The following FBXO22 variants were observed in gnomAD, a reference collection of about 807,000 sequenced individuals.
FBXO22 encodes F-box only protein 22.
Under a neutral mutation model 37.2 loss-of-function variants are expected in FBXO22, and 13 were observed. The observed-to-expected ratio is 0.35, with a 90% CI of 0.23 to 0.56. The LOEUF (loss-of-function observed/expected upper bound fraction) is 0.56, where lower values mean the gene tolerates loss of function less well. FBXO22 is among the 20% of genes least tolerant of loss of function. The pLI is 0.87. For synonymous variants in FBXO22, 189 were observed against 189.1 expected (o/e 1.00, Z 0.00); for missense variants, 446 against 509.9 (o/e 0.87, Z 1.21).
In FBXO22 at chr15:75,904,118, C is replaced by T. The variant is rs1430500573; in HGVS notation, c.140+15C>T. On this transcript the variant is annotated intron_variant, in intron 1 of 6. Transcript: ENST00000308275. The stretch of plus-strand genomic sequence containing the variant: ...CGGGTGGCCTGGTGAGGAGAGGAGG[C>T]GGAGGCGGGAAGCTTGCCTGGGGAC... 8.5e-6 allele frequency: 13 copies of T among 1,529,062 alleles called. No individual in the cohort carries two copies. The highest frequency in any genetic ancestry group is 2.0e-5 in the Admixed American group (1 of 49,494). 94.7% of individuals were successfully genotyped at this position (1,529,062 alleles called of 1,614,324 possible).
At chr15:75,912,887 C>T (rs1226572178) in intron 2 of FBXO22, among the ~76,000 whole-genome samples, 4 of 152,206 alleles carry the variant, frequency 2.6e-5, no homozygotes, top group Non-Finnish European at 2.9e-5. Context: ...TTCCTGCTTT[C>T]TCCTGTGTGC....
At chr15:75,913,337 C>A in intron 3 of FBXO22, 47 bp downstream of exon 3, 1 of 1,334,338 alleles carries the variant, frequency 7.5e-7, no homozygotes, top group Non-Finnish European at 1.1e-6. Context: ...TTATCATGTG[C>A]CTTCCGTTCG....
intron 4 of FBXO22, among the ~76,000 whole-genome samples, chr15:75,915,983 A>G (rs1415775774): frequency 6.7e-6 from 1 of 148,606 alleles, no homozygotes; most frequent in Admixed American, 6.7e-5. Flanking sequence ...AGGCAGGAGA[A>G]TTGCTGGAAA....
intron 6 of FBXO22, 32 bp from the exon 7 acceptor site, chr15:75,932,653 A>G: frequency 6.5e-7 from 1 of 1,539,192 alleles, no homozygotes; most frequent in Non-Finnish European, 8.7e-7. Context: ...TTAATGTTTC[A>G]TGAGATATTG....
chr15:75,905,654 CTGAG>C (rs1241817106), intron 2 of FBXO22: 1 of 152,230 alleles, frequency 6.6e-6, no homozygotes, highest in Non-Finnish European at 1.5e-5. Context: ...GCAATTTGCT[CTGAG>C]TAAGTCCTGT....
At chr15:75,923,071 GCTGTTTCCTGGGCAGTACT>G (rs1338893166) in intron 5 of FBXO22, among the ~76,000 whole-genome samples, 2 of 152,156 alleles carry the variant, frequency 1.3e-5, no homozygotes, top group Non-Finnish European at 2.9e-5. Context: ...AGGTGACATA[GCTGTTTCCTGGGCAGTACT>G]CTGTCCTCTG....
chr15:75,904,702 A>T (rs1047036149), intron 2 of FBXO22, 73 bp downstream of exon 2: 18 of 1,433,810 alleles, frequency 1.3e-5, no homozygotes, highest in Admixed American at 5.3e-5. Context: ...ATTTTTTTTT[A>T]AATCCCAGTT....
intron 5 of FBXO22, among the ~76,000 whole-genome samples, chr15:75,929,424 A>C (rs2029926000): frequency 6.6e-6 from 1 of 152,088 alleles, no homozygotes. Flanking sequence ...TGTTCACCAC[A>C]CTATAAGTGG....
rs892892437 is a variant in FBXO22 at position 75,938,807 on chromosome 15, G to A, written c.*5705G>A. On this transcript the variant is annotated 3_prime_UTR_variant, in exon 7 of 7. Coordinates refer to ENST00000308275, the MANE Select transcript of FBXO22 (RefSeq NM_147188.3). Reference sequence around the variant, plus strand: ...CATTTTTGAACCACAACAGGATGTAGTTAGAAATCAGTAACAAAAGGAAAA... The same window carrying A: ...CATTTTTGAACCACAACAGGATGTAATTAGAAATCAGTAACAAAAGGAAAA... 1 of 152,158 alleles carries A rather than the reference G, an allele frequency of 6.6e-6. No individual in the cohort carries two copies. Among genetic ancestry groups the A allele is most frequent in the Non-Finnish European group, 1.5e-5 (1 of 68,010 alleles). The allele number at this position is 152,158 out of a possible 1,614,324, so 9.4% of individuals were successfully genotyped here. A position where few individuals can be genotyped will look rare whatever the true frequency, so the allele number is the denominator to read the frequency against.
intron 2 of FBXO22, among the ~76,000 whole-genome samples, chr15:75,910,879 G>A (rs1327868306): frequency 6.6e-6 from 1 of 152,188 alleles, no homozygotes; most frequent in Non-Finnish European, 1.5e-5. Context: ...TGTTCTTCTA[G>A]TGTTTTTATG....
chr15:75,929,884 G>T lies in FBXO22; in HGVS notation c.629G>T (p.Gly210Val), dbSNP rs1418773311. The T allele has an allele frequency of 6.2e-7, 1 of 1,613,932 alleles. No individual in the cohort carries two copies. The highest frequency in any genetic ancestry group is 1.1e-5 in the South Asian group (1 of 91,074). ...TLERHQLTEV[G>V]LLDNPELRVV... is the part of the protein sequence containing the mutation. The stretch of plus-strand genomic sequence containing the variant: ...ACTGTTGCTCTTCATTTCTCTGCAG[G>T]TCTTTTAGATAACCCTGAACTTCGT... The change falls in exon 6 of 7, where the codon GGT (glycine) becomes GTT (valine). Residue 210 changes from glycine to valine, a missense_variant and splice_region_variant. Physicochemically the swap from Gly to Val is moderately radical, Grantham distance 109. Coordinates refer to ENST00000308275, the MANE Select transcript of FBXO22 (RefSeq NM_147188.3).
intron 5 of FBXO22, among the ~76,000 whole-genome samples, chr15:75,928,489 A>G (rs1371013862): frequency 6.6e-6 from 1 of 152,120 alleles, no homozygotes; most frequent in Non-Finnish European, 1.5e-5. Context: ...GAAACAGAAA[A>G]CCAAATACTG....
In FBXO22 at chr15:75,930,652, C is replaced by CAGAA; in HGVS notation, c.794+603_794+604insAGAA. ...GCTTTCAAAGATAAAAATATTTGCT[C>CAGAA]TTCTGTCTTGGGAGCCATTACTTCC... is the stretch of plus-strand genomic sequence containing the variant. On this transcript the variant is annotated intron_variant, in intron 6 of 6. Coordinates refer to ENST00000308275, the MANE Select transcript of FBXO22 (RefSeq NM_147188.3). The CAGAA allele has an allele frequency of 5.1e-6, 5 of 985,412 alleles. No homozygotes were observed. The South Asian group carries it at 2.3e-4, about 46-fold the overall frequency. The allele number at this position is 985,412 out of a possible 1,614,324, so 61.0% of individuals were successfully genotyped here.
At chr15:75,906,443 A>G (rs554307257) in intron 2 of FBXO22, among the ~76,000 whole-genome samples, 8 of 152,204 alleles carry the variant, frequency 5.3e-5, no homozygotes, top group East Asian at 3.9e-4. Flanking sequence ...TTATATTTCT[A>G]TATATATGTG....
intron 5 of FBXO22, among the ~76,000 whole-genome samples, chr15:75,928,518 T>C (rs2029886151): frequency 6.6e-6 from 1 of 151,890 alleles, no homozygotes. Flanking sequence ...CATTTATAAG[T>C]GGGAGCTAAA....
intron 2 of FBXO22, among the ~76,000 whole-genome samples, chr15:75,908,277 GTT>G (rs1416474003): frequency 4.2e-5 from 6 of 141,798 alleles, no homozygotes; most frequent in Admixed American, 7.1e-5. Flanking sequence ...GTTTTGTTTG[GTT>G]TTTTTTTTTT....
At chr15:75,906,834 T>C (rs1359695554) in intron 2 of FBXO22, among the ~76,000 whole-genome samples, 3 of 152,210 alleles carry the variant, frequency 2.0e-5, no homozygotes, top group Non-Finnish European at 4.4e-5. Flanking sequence ...CTCTGGAGCA[T>C]CGTTTATAAT....
In FBXO22 at chr15:75,941,462, A is replaced by G. The variant is rs774813352; in HGVS notation, c.*8360A>G. 2 of 152,206 alleles carry G rather than the reference A, an allele frequency of 1.3e-5. No individual in the cohort carries two copies. Among genetic ancestry groups the G allele is most frequent in the Admixed American group, 6.5e-5 (1 of 15,284 alleles). The allele number at this position is 152,206 out of a possible 1,614,324, so 9.4% of individuals were successfully genotyped here. A position where few individuals can be genotyped will look rare whatever the true frequency, so the allele number is the denominator to read the frequency against. The stretch of plus-strand genomic sequence containing the variant: ...TAATTGAAAGCGGAGGCTTGAGGGT[A>G]TATTTGTATACCAGTGTTCACTGCA... On this transcript the variant is annotated 3_prime_UTR_variant, in exon 7 of 7. Coordinates refer to ENST00000308275, the MANE Select transcript of FBXO22 (RefSeq NM_147188.3).
Position 75,941,083 on chromosome 15 carries a change from A to G in FBXO22, c.*7981A>G, listed in dbSNP as rs1303506604. ...CCAGAATACATACAAAACTCCCAAA[A>G]TGCAACAACAGTGTAAAAACCTGAT... On this transcript the variant is annotated 3_prime_UTR_variant, in exon 7 of 7. Transcript: ENST00000308275. 3.9e-5 allele frequency: 6 copies of G among 152,186 alleles called. No individual in the cohort carries two copies. The highest frequency in any genetic ancestry group is 1.5e-5 in the Non-Finnish European group (1 of 67,992). 9.4% of individuals were successfully genotyped at this position (152,186 alleles called of 1,614,324 possible).
Sources: gnomAD v4.1 joint callset for allele counts (sites outside exome capture counted in the v4.1 genomes callset) on GRCh38, gnomAD v4.1.1 for gene constraint, MANE v1.5 for transcripts, NCBI Gene and HGNC (gene_info 2026-07-23, HGNC 2026-07-21) for gene names.